Variants in AMN1 observed in about 807,000 individuals in gnomAD.
The protein encoded by AMN1 is antagonist of mitotic exit network 1 homolog.
AMN1 carries 20 observed loss-of-function variants against 33.0 expected under a neutral mutation model. That is an observed-to-expected ratio of 0.61 (90% CI 0.43 to 0.88). The LOEUF (loss-of-function observed/expected upper bound fraction) is 0.88, where lower values mean the gene tolerates loss of function less well. Ranked by LOEUF, AMN1 falls within the 40% of genes least tolerant of loss-of-function variation. The probability of loss-of-function intolerance (pLI) is 0.00; values close to 1 mark genes in which losing one functional copy is unlikely to be tolerated. For synonymous variants in AMN1, 114 were observed against 111.9 expected, an observed-to-expected ratio of 1.02 and a Z score of -0.12; for missense variants, 246 against 307.4, an observed-to-expected ratio of 0.80 and a Z score of 1.49.
At position 31,709,441 on chromosome 12, in the gene AMN1, A is replaced by T. The variant is rs762243265; in HGVS notation, c.39-16T>A. On this transcript the variant is annotated splice_polypyrimidine_tract_variant and intron_variant, in intron 1 of 6. Transcript: ENST00000281471. ...CCAAAGGCATCTGAAATACAAATAC[A>T]ATATAGTAAATCACACTGGGCCTGT... 3 of 1,601,208 alleles carry T rather than the reference A, an allele frequency of 1.9e-6. No individual in the cohort carries two copies. Among genetic ancestry groups the T allele is most frequent in the Non-Finnish European group, 2.6e-6 (3 of 1,172,676 alleles).
At chr12:31,708,758 C>A in intron 2 of AMN1, 1 of 169,516 alleles carries the variant, frequency 5.9e-6, no homozygotes, top group Non-Finnish European at 1.3e-5. Flanking sequence ...TTTCTCAGAC[C>A]AGCCGACACT....
intron 4 of AMN1, 40 bp downstream of exon 4, chr12:31,697,697 GTAA>G (rs755159363): frequency 3.8e-6 from 6 of 1,562,070 alleles, no homozygotes; most frequent in Admixed American, 1.7e-5. Context: ...AATACATTTG[GTAA>G]ACACATAGTC....
chr12:31,691,860 A>ATTATT lies in AMN1; in HGVS notation c.592-2747_592-2743dup, dbSNP rs575928519. 5.3e-4 allele frequency among the ~76,000 whole-genome samples: 80 copies of ATTATT among 152,172 alleles called. 1 individual carries two copies. The East Asian group carries it at 0.014, about 27-fold the overall frequency. On this transcript the variant is annotated intron_variant, in intron 5 of 6. Coordinates refer to ENST00000281471, the MANE Select transcript of AMN1 (RefSeq NM_001113402.2). Reference sequence around the variant, plus strand: ...AATTGAGCGGGGCTTTAGATGTAACATTATTTTATTTTATTTTACTTTATT... The same window carrying ATTATT: ...AATTGAGCGGGGCTTTAGATGTAACATTATTTTATTTTATTTTATTTTACTTTATT...
intron 5 of AMN1, among the ~76,000 whole-genome samples, chr12:31,689,824 A>G (rs1416418750): frequency 6.6e-6 from 1 of 152,208 alleles, no homozygotes; most frequent in Non-Finnish European, 1.5e-5. Flanking sequence ...TAAGTTCTTT[A>G]GTGGTCATTT....
intron 1 of AMN1, among the ~76,000 whole-genome samples, chr12:31,718,374 G>C (rs1939756632): frequency 6.6e-6 from 1 of 151,974 alleles, no homozygotes; most frequent in Non-Finnish European, 1.5e-5. Flanking sequence ...TCTTTAGCTT[G>C]GAGAGTTTGT....
chr12:31,727,513 C>G (rs916770318), intron 1 of AMN1, among the ~76,000 whole-genome samples: 1 of 151,984 alleles, frequency 6.6e-6, no homozygotes, highest in African/African-American at 2.4e-5. Flanking sequence ...GCGCTACTTT[C>G]TGGTCTTCTC....
intron 6 of AMN1, among the ~76,000 whole-genome samples, chr12:31,674,815 A>G (rs1199133511): frequency 6.6e-6 from 1 of 152,012 alleles, no homozygotes; most frequent in Non-Finnish European, 1.5e-5. Context: ...CAAGAGTTCA[A>G]GACCAGCCTG....
At chr12:31,680,979 T>G (rs7980264) in intron 6 of AMN1, among the ~76,000 whole-genome samples, 43,169 of 151,858 alleles carry the variant, frequency 0.28, 6,696 homozygotes, top group Non-Finnish European at 0.36. Flanking sequence ...AAATCAAATA[T>G]AAGGTGAACA....
chr12:31,723,320 A>C (rs1592179256), intron 1 of AMN1, among the ~76,000 whole-genome samples: 1 of 151,760 alleles, frequency 6.6e-6, no homozygotes, highest in African/African-American at 2.4e-5. Flanking sequence ...TGATCAACCA[A>C]CTCCAGCCAC....
chr12:31,702,410 A>G (rs1224712241), intron 2 of AMN1, among the ~76,000 whole-genome samples: 4 of 152,196 alleles, frequency 2.6e-5, no homozygotes, highest in African/African-American at 9.6e-5. Flanking sequence ...GTGCTTACAG[A>G]GCACTAGTAC....
intron 6 of AMN1, among the ~76,000 whole-genome samples, chr12:31,685,658 A>G (rs74983854): frequency 0.018 from 2,741 of 152,020 alleles, 72 homozygotes; most frequent in African/African-American, 0.062. Flanking sequence ...AAAATTAGCC[A>G]GACCTGGTGG....
Position 31,716,651 on chromosome 12 carries a change from T to G in AMN1, c.39-7226A>C, listed in dbSNP as rs540036559. On this transcript the variant is annotated intron_variant, in intron 1 of 6. Coordinates refer to ENST00000281471, the MANE Select transcript of AMN1 (RefSeq NM_001113402.2). Reference sequence around the variant, plus strand: ...GTTGGATATCCTCTTTTGTGGAGTATCTACTCAAGTATTTTGCCCTCTTTC... The same window carrying G: ...GTTGGATATCCTCTTTTGTGGAGTAGCTACTCAAGTATTTTGCCCTCTTTC... Among the ~76,000 whole-genome samples the G allele has an allele frequency of 7.7e-4, 117 of 152,364 alleles. 1 individual carries two copies. Among genetic ancestry groups the G allele is most frequent in the African/African-American group, 2.7e-3 (112 of 41,576 alleles).
At chr12:31,693,610 T>C (rs1938596383) in intron 5 of AMN1, among the ~76,000 whole-genome samples, 1 of 151,772 alleles carries the variant, frequency 6.6e-6, no homozygotes, top group Non-Finnish European at 1.5e-5. Context: ...TGGTGTGATC[T>C]CAGCTCACCA....
chr12:31,685,153 C>T (rs1005952182), intron 6 of AMN1, among the ~76,000 whole-genome samples: 1 of 151,740 alleles, frequency 6.6e-6, no homozygotes, highest in South Asian at 2.1e-4. Context: ...CTCAGCCTCC[C>T]AAGTAGCTGG....
At chr12:31,680,047 C>T (rs773185482) in intron 6 of AMN1, among the ~76,000 whole-genome samples, 5 of 148,348 alleles carry the variant, frequency 3.4e-5, no homozygotes, top group Non-Finnish European at 6.0e-5. Context: ...CGCTTGCACC[C>T]GGGAGGTGGA....
At chr12:31,688,565 T>C (rs1281930414) in intron 6 of AMN1, among the ~76,000 whole-genome samples, 1 of 152,084 alleles carries the variant, frequency 6.6e-6, no homozygotes, top group Non-Finnish European at 1.5e-5. Context: ...CCTAGCACTT[T>C]GGGAGGCCAA....
intron 5 of AMN1, 122 bp from the exon 6 acceptor site, chr12:31,689,240 T>A: frequency 1.5e-6 from 1 of 679,088 alleles, no homozygotes; most frequent in Non-Finnish European, 2.5e-6. Flanking sequence ...AAAAAAAGTA[T>A]ATAGAAAAGA....
chr12:31,695,838 A>G (rs1391641330), intron 5 of AMN1, among the ~76,000 whole-genome samples: 1 of 152,060 alleles, frequency 6.6e-6, no homozygotes, highest in Non-Finnish European at 1.5e-5. Flanking sequence ...TGCTACCAAG[A>G]CCCAGATATA....
rs1268050844 is a variant in AMN1 at position 31,701,863 on chromosome 12, C to T, written c.316G>A (p.Gly106Arg). Residue 106 changes from glycine (G) to arginine (R), a missense_variant and splice_region_variant, in exon 3 of 7, where the codon GGA (glycine) becomes AGA (arginine). Gly to Arg is a moderately radical substitution (Grantham distance 125). Transcript: ENST00000281471. ...KGNRVSVTSE[G>R]IKAVASSCSY... Reference sequence around the variant, plus strand: ...ATGTACTCAGTGTTAATAAACATACCTTCTGAAGTTACAGAAACTCGGTTC... The same window carrying T: ...ATGTACTCAGTGTTAATAAACATACTTTCTGAAGTTACAGAAACTCGGTTC... The T allele has an allele frequency of 6.3e-7, 1 of 1,596,252 alleles. No individual in the cohort carries two copies. Among genetic ancestry groups the T allele is most frequent in the Non-Finnish European group, 8.5e-7 (1 of 1,175,364 alleles).
Sources: gnomAD v4.1 joint callset for allele counts (sites outside exome capture counted in the v4.1 genomes callset) on GRCh38, gnomAD v4.1.1 for gene constraint, MANE v1.5 for transcripts, NCBI Gene and HGNC (gene_info 2026-07-23, HGNC 2026-07-21) for gene names.